The following EIF2B3 variants were observed in gnomAD, a reference collection of about 807,000 sequenced individuals.
The protein encoded by EIF2B3 is eukaryotic translation initiation factor 2B subunit gamma, also known as translation initiation factor eIF2B subunit gamma.
A neutral mutation model predicts 54.1 loss-of-function variants in EIF2B3; 20 were observed. That is an observed-to-expected ratio of 0.37 (90% confidence interval 0.26 to 0.54). EIF2B3 has a LOEUF of 0.54. EIF2B3 is among the 20% of genes least tolerant of loss of function. EIF2B3 has a pLI of 0.86. For synonymous variants in EIF2B3, 153 were observed against 188.1 expected, an observed-to-expected ratio of 0.81 and a Z score of 1.52; for missense variants, 448 against 547.8, an observed-to-expected ratio of 0.82 and a Z score of 1.82.
At chr1:44,978,774 C>CT (rs1241439263) in intron 2 of EIF2B3, among the ~76,000 whole-genome samples, 10 of 151,388 alleles carry the variant, frequency 6.6e-5, no homozygotes, top group African/African-American at 2.4e-4. Flanking sequence ...GTAGCTGAGA[C>CT]TACAGGCATG....
At chr1:44,951,581 C>T (rs545059090) in intron 3 of EIF2B3, among the ~76,000 whole-genome samples, 5 of 152,276 alleles carry the variant, frequency 3.3e-5, no homozygotes, top group African/African-American at 1.2e-4. Flanking sequence ...AACTCTCTGC[C>T]TACTTTGCAT....
chr1:44,898,628 G>T (rs1443354534), intron 5 of EIF2B3, among the ~76,000 whole-genome samples: 1 of 152,046 alleles, frequency 6.6e-6, no homozygotes, highest in African/African-American at 2.4e-5. Context: ...AGTCATAGAT[G>T]CCTGGTTGTC....
intron 3 of EIF2B3, among the ~76,000 whole-genome samples, chr1:44,964,750 A>G (rs1391087806): frequency 6.6e-6 from 1 of 152,210 alleles, no homozygotes; most frequent in Non-Finnish European, 1.5e-5. Flanking sequence ...GCTTGAAGCC[A>G]AAGATTCCTG....
At chr1:44,946,305 G>A in intron 3 of EIF2B3, among the ~76,000 whole-genome samples, 1 of 152,166 alleles carries the variant, frequency 6.6e-6, no homozygotes, top group East Asian at 1.9e-4. Context: ...AAGAGTCACT[G>A]AGACCAAACA....
chr1:44,946,676 T>C (rs915014553), intron 3 of EIF2B3, among the ~76,000 whole-genome samples: 2 of 150,336 alleles, frequency 1.3e-5, no homozygotes, highest in Non-Finnish European at 3.0e-5. Context: ...TTGCCAGGGC[T>C]GGTCTCAAAC....
chr1:44,862,358 A>G (rs1029827255), intron 10 of EIF2B3, among the ~76,000 whole-genome samples: 3 of 152,130 alleles, frequency 2.0e-5, no homozygotes, highest in African/African-American at 7.2e-5. Context: ...TACTCTGAAA[A>G]CTGTAACGTT....
chr1:44,981,069 G>A lies in EIF2B3; in HGVS notation c.100C>T (p.Pro34Ser), dbSNP rs1644506947. 1.2e-6 allele frequency: 2 copies of A among 1,613,196 alleles called. No individual in the cohort carries two copies. The highest frequency in any genetic ancestry group is 1.7e-6 in the Non-Finnish European group (2 of 1,179,946). The change falls in exon 2 of 12, where the codon CCT (proline) becomes TCT (serine). Residue 34 changes from proline (P) to serine (S), a missense_variant. By Grantham distance (74) the Pro-to-Ser change is moderately conservative (BLOSUM62 -1). Around this residue, in one of 3 missense-constraint regions of EIF2B3, gnomAD observed 95 missense variants for 115.7 expected, o/e 0.82. Transcript: ENST00000360403. ...AGGTTCAATGGGTACCAAATTAAAG[G>A]TTTGTTCCCAACTGGAAGCAGAGGT... Reference protein sequence around the residue: ...PKPLLPVGNKPLIWYPLNLLE... With the variant: ...PKPLLPVGNKSLIWYPLNLLE...
At chr1:44,875,766 T>G in intron 8 of EIF2B3, 71 bp from the exon 9 acceptor site, 1 of 1,196,628 alleles carries the variant, frequency 8.4e-7, no homozygotes, top group Non-Finnish European at 1.2e-6. Flanking sequence ...CCTCTCCCTC[T>G]ACCTCTCCCA....
rs894611306 is a variant in EIF2B3, at chr1:44,978,230, C to CA, written c.294+84dup. On this transcript the variant is annotated intron_variant, in intron 3 of 11. Transcript: ENST00000360403. ...TAGGTGACAGAGCGAGGTTCTGTCTCAAAAAAAAGACTATAATGCACTGGG... is the reference window on the plus strand; with the variant it reads ...TAGGTGACAGAGCGAGGTTCTGTCTCAAAAAAAAAGACTATAATGCACTGGG... The CA allele has an allele frequency of 6.4e-5, 97 of 1,522,720 alleles. 1 individual carries two copies. Among genetic ancestry groups the CA allele is most frequent in the Middle Eastern group, 3.4e-4 (2 of 5,880 alleles). 94.3% of individuals were successfully genotyped at this position (1,522,720 alleles called of 1,614,324 possible). A position where few individuals can be genotyped will look rare whatever the true frequency, so the allele number is the denominator to read the frequency against.
At chr1:44,958,906 A>G in intron 3 of EIF2B3, 1 of 805,488 alleles carries the variant, frequency 1.2e-6, no homozygotes, top group Admixed American at 1.8e-5. Flanking sequence ...GCTGAGGGCC[A>G]TCTGAAACAG....
At chr1:44,887,086 C>G (rs903149966) in intron 6 of EIF2B3, among the ~76,000 whole-genome samples, 2 of 152,088 alleles carry the variant, frequency 1.3e-5, no homozygotes, top group Admixed American at 1.3e-4. Flanking sequence ...TTCAGAGCTC[C>G]AAGGATTTGT....
Position 44,918,923 on chromosome 1 carries a change from T to C in EIF2B3, c.566+7705A>G, listed in dbSNP as rs3125802. On this transcript the variant is annotated intron_variant, in intron 5 of 11. Coordinates refer to ENST00000360403, the MANE Select transcript of EIF2B3 (RefSeq NM_020365.5). ...AGCTCTACGTATTAGCTATTTACTA[T>C]AGAAAAGGACGATTTCACTCTTTTA... 1.7e-3 allele frequency among the ~76,000 whole-genome samples: 256 copies of C among 152,342 alleles called. 2 individuals carry two copies. The highest frequency in any genetic ancestry group is 5.8e-3 in the African/African-American group (243 of 41,580).
chr1:44,906,689 C>T (rs1011628801), intron 5 of EIF2B3, among the ~76,000 whole-genome samples: 16 of 152,300 alleles, frequency 1.1e-4, no homozygotes, highest in Admixed American at 3.3e-4. Context: ...CATGAGCCAC[C>T]GTGCCCGGGA....
intron 4 of EIF2B3, among the ~76,000 whole-genome samples, chr1:44,930,701 T>G (rs1050201208): frequency 1.3e-5 from 2 of 152,126 alleles, no homozygotes; most frequent in South Asian, 2.1e-4. Flanking sequence ...AGTGCAGTGG[T>G]GCAACCTTGG....
At chr1:44,908,306 A>C (rs1022085090) in intron 5 of EIF2B3, among the ~76,000 whole-genome samples, 2 of 152,234 alleles carry the variant, frequency 1.3e-5, no homozygotes, top group Non-Finnish European at 2.9e-5. Context: ...CAGGGTTATA[A>C]ATGTTACCAC....
intron 5 of EIF2B3, among the ~76,000 whole-genome samples, chr1:44,905,244 A>C (rs529950462): frequency 1.3e-5 from 2 of 152,290 alleles, no homozygotes; most frequent in South Asian, 4.1e-4. Context: ...TCTCCAAAAA[A>C]AGCAGTTGTG....
At chr1:44,917,300 C>G (rs149700854) in intron 5 of EIF2B3, among the ~76,000 whole-genome samples, 1,616 of 152,146 alleles carry the variant, frequency 0.011, 32 homozygotes, top group African/African-American at 0.037. Flanking sequence ...TTGAGACCAG[C>G]CTGACCAACA....
chr1:44,914,679 C>T (rs1284995963), intron 5 of EIF2B3, among the ~76,000 whole-genome samples: 1 of 152,092 alleles, frequency 6.6e-6, no homozygotes, highest in African/African-American at 2.4e-5. Flanking sequence ...TCCTTCCTTT[C>T]TTCCCTCCCT....
intron 5 of EIF2B3, among the ~76,000 whole-genome samples, chr1:44,924,219 C>T (rs577124485): frequency 1.8e-4 from 28 of 152,194 alleles, no homozygotes; most frequent in South Asian, 1.2e-3. Context: ...GGATTACAGG[C>T]GTGAGCCACC....
Sources: gnomAD v4.1 joint callset for allele counts (sites outside exome capture counted in the v4.1 genomes callset) on GRCh38, gnomAD v4.1.1 for gene constraint, gnomAD v4.1.1 regional missense constraint, MANE v1.5 for transcripts, NCBI Gene and HGNC (gene_info 2026-07-23, HGNC 2026-07-21) for gene names.